Variants in DSP observed in about 807,000 individuals in gnomAD.
DSP encodes the protein desmoplakin.
In DSP, 114 loss-of-function variants were observed where a neutral mutation model predicts 290.6. That is an observed-to-expected ratio of 0.39 (90% confidence interval 0.34 to 0.46). The LOEUF (loss-of-function observed/expected upper bound fraction) is 0.46, where lower values mean the gene tolerates loss of function less well. DSP is among the 20% of genes least tolerant of loss of function. The probability of loss-of-function intolerance (pLI) is 0.99; values close to 1 mark genes in which losing one functional copy is unlikely to be tolerated. For synonymous variants in DSP, 1,311 were observed against 1,316.4 expected (o/e 1.00, Z 0.09); for missense variants, 3,230 against 3,495.8 (o/e 0.92, Z 1.92).
chr6:7,575,523 C>T (rs200226597), intron 18 of DSP, 35 bp downstream of exon 18: 135 of 1,612,736 alleles, frequency 8.4e-5, no homozygotes, highest in Non-Finnish European at 9.3e-5. Flanking sequence ...TCCCCATCTT[C>T]TCCCCTTTTG....
In DSP at chr6:7,581,516, G is replaced by C. The variant is rs1759441333; in HGVS notation, c.5326G>C (p.Glu1776Gln). Residue 1776 changes from glutamate (E) to glutamine (Q), a missense_variant, in exon 23 of 24, where the codon GAG becomes CAG. Physicochemically the swap from Glu to Gln is conservative, Grantham distance 29. This residue lies in a region of DSP where 1,714 missense variants were observed against 1,844.5 expected (regional missense o/e 0.93). Coordinates refer to ENST00000379802, the MANE Select transcript of DSP (RefSeq NM_004415.4). ...LQGLINDLQR[E>Q]RENLRQEIEK... ...GGGGCTGATTAATGATTTACAGAGA[G>C]AGAGGGAAAATTTGAGACAGGAAAT... 6.2e-7 allele frequency: 1 copy of C among 1,614,156 alleles called. No homozygotes were observed. Among genetic ancestry groups the C allele is most frequent in the Non-Finnish European group, 8.5e-7 (1 of 1,180,028 alleles).
rs748733750 is a variant in DSP at position 7,579,964 on chromosome 6, C to A, written c.3774C>A (p.Asp1258Glu). The A allele has an allele frequency of 1.6e-5, 26 of 1,614,114 alleles. No individual in the cohort carries two copies. Among genetic ancestry groups the A allele is most frequent in the Non-Finnish European group, 2.2e-5 (26 of 1,180,016 alleles). Residue 1258 changes from aspartate to glutamate, a missense_variant, in exon 23 of 24, where the codon GAC becomes GAA. By Grantham distance (45) the Asp-to-Glu change is conservative. Around this residue, in one of 5 missense-constraint regions of DSP, gnomAD observed 1,714 missense variants for 1,844.5 expected, o/e 0.93. Transcript: ENST00000379802. This position sits in a 1 kb window ranked among gnomAD's most constrained non-coding sequence, Gnocchi z 4.1. ...AGGATGAAATTGTCAGGCTCAATGA[C>A]AGCATCTTGCAGGCCACTGAGCAGC... ...DLKDEIVRLNDSILQATEQRR... is the reference protein window; with the variant it reads ...DLKDEIVRLNESILQATEQRR...
At chr6:7,566,271 C>A in intron 7 of DSP, 106 bp from the exon 8 acceptor site, 1 of 901,302 alleles carries the variant, frequency 1.1e-6, no homozygotes, top group Non-Finnish European at 1.8e-6. Context: ...TGGCATTGTT[C>A]ATTTCCAAAA....
chr6:7,583,869 G>A lies in DSP; in HGVS notation c.6607G>A (p.Val2203Ile). The change falls in exon 24 of 24, where the codon GTA becomes ATA. Residue 2203 changes from valine to isoleucine, a missense_variant. Val to Ile is a conservative substitution (Grantham distance 29, BLOSUM62 3). Around this residue, in one of 5 missense-constraint regions of DSP, gnomAD observed 1,714 missense variants for 1,844.5 expected, o/e 0.93. Coordinates refer to ENST00000379802, the MANE Select transcript of DSP (RefSeq NM_004415.4). This position sits in a 1 kb window ranked among gnomAD's most constrained non-coding sequence, Gnocchi z 4.0. ...EPHTGLLLLSVQKRSMSFQGI... is the reference protein window; with the variant it reads ...EPHTGLLLLSIQKRSMSFQGI... Reference sequence around the variant, plus strand: ...ACATACTGGTCTGCTCTTGCTTTCAGTACAGAAGAGAAGCATGTCCTTCCA... The same window carrying A: ...ACATACTGGTCTGCTCTTGCTTTCAATACAGAAGAGAAGCATGTCCTTCCA... 6.2e-7 allele frequency: 1 copy of A among 1,614,118 alleles called. No homozygotes were observed. The highest frequency in any genetic ancestry group is 8.5e-7 in the Non-Finnish European group (1 of 1,180,010).
Position 7,558,177 on chromosome 6 carries a change from C to T in DSP, c.335C>T (p.Ala112Val), listed in dbSNP as rs1231122530. 6.2e-7 allele frequency: 1 copy of T among 1,614,200 alleles called. No individual in the cohort carries two copies. Among genetic ancestry groups the T allele is most frequent in the South Asian group, 1.1e-5 (1 of 91,086 alleles). ...TRSRELDECF[A>V]QANDQMEILD... ...AGTCGAGAATTGGATGAGTGTTTTGCCCAGGCCAATGACCAAATGGAAATC... is the reference window on the plus strand; with the variant it reads ...AGTCGAGAATTGGATGAGTGTTTTGTCCAGGCCAATGACCAAATGGAAATC... Residue 112 changes from alanine (A) to valine (V), a missense_variant, in exon 3 of 24, where the codon GCC (alanine) becomes GTC (valine). Ala to Val is a moderately conservative substitution (Grantham distance 64). Transcript: ENST00000379802.
At chr6:7,559,451 A>G in intron 4 of DSP, 51 bp downstream of exon 4, 1 of 1,608,706 alleles carries the variant, frequency 6.2e-7, no homozygotes, top group Non-Finnish European at 8.5e-7. Context: ...ACGTTCCAGC[A>G]CGATGGGGTC....
rs371234425 is a variant in DSP at position 7,578,483 on chromosome 6, G to C, written c.3005G>C (p.Arg1002Pro). 3.7e-6 allele frequency: 6 copies of C among 1,613,076 alleles called. No individual in the cohort carries two copies. The African/African-American group carries it at 6.7e-5, about 18-fold the overall frequency. ...TCCAAGGCTGCAGATGTTCATGCTC[G>C]GTACATTGAACTACTTACAAGATCT... Reference protein sequence around the residue: ...ILQEAADVHARYIELLTRSGD... With the variant: ...ILQEAADVHAPYIELLTRSGD... Residue 1002 changes from arginine to proline, a missense_variant, in exon 22 of 24, where the codon CGG becomes CCG. Transcript: ENST00000379802.
chr6:7,554,050 T>G lies in DSP; in HGVS notation c.171-1668T>G, dbSNP rs150861299. Among the ~76,000 whole-genome samples, 166 of 146,722 alleles carry G rather than the reference T, an allele frequency of 1.1e-3. 1 individual carries two copies. The highest frequency in any genetic ancestry group is 4.2e-3 in the African/African-American group (165 of 39,294). ...TAATGCAACCATTGTTTGTCAAACA[T>G]TTTTTTTTAAACAGTGAAATTCTTT... On this transcript the variant is annotated intron_variant, in intron 1 of 23. Transcript: ENST00000379802.
In DSP at chr6:7,576,422, C is replaced by G. The variant is rs1481929065; in HGVS notation, c.2759C>G (p.Ser920Cys). Residue 920 changes from serine (S) to cysteine (C), a missense_variant, in exon 19 of 24, where the codon TCC (serine) becomes TGC (cysteine). Physicochemically the swap from Ser to Cys is moderately radical, Grantham distance 112 (BLOSUM62 -1). This residue lies in a region of DSP where 1,714 missense variants were observed against 1,844.5 expected (regional missense o/e 0.93). Transcript: ENST00000379802. ...DSLESMKFGD[S>C]NTVMRFLNEQ... Reference sequence around the variant, plus strand: ...TTAGAATCCATGAAATTTGGAGATTCCAACACAGTCATGCGGTTTTTGAAT... The same window carrying G: ...TTAGAATCCATGAAATTTGGAGATTGCAACACAGTCATGCGGTTTTTGAAT... 6.2e-7 allele frequency: 1 copy of G among 1,614,112 alleles called. No individual in the cohort carries two copies. The highest frequency in any genetic ancestry group is 1.1e-5 in the South Asian group (1 of 91,084).
At chr6:7,572,832 T>C (rs1006701354) in intron 15 of DSP, among the ~76,000 whole-genome samples, 3 of 152,230 alleles carry the variant, frequency 2.0e-5, no homozygotes, top group Non-Finnish European at 4.4e-5. Context: ...ACCTAGATGG[T>C]ATAGCCTACT....
At chr6:7,574,861 A>G in intron 17 of DSP, 66 bp downstream of exon 17, 1 of 1,609,316 alleles carries the variant, frequency 6.2e-7, no homozygotes, top group Non-Finnish European at 8.5e-7. Context: ...GCTCCCAATT[A>G]TAAAGCCTCA....
chr6:7,548,210 C>T (rs758427094), intron 1 of DSP, among the ~76,000 whole-genome samples: 15 of 151,672 alleles, frequency 9.9e-5, no homozygotes, highest in East Asian at 1.9e-4. Flanking sequence ...GAGGTTGCAG[C>T]GAGCTGAGAT....
chr6:7,582,097 C>G lies in DSP; in HGVS notation c.5379+528C>G, dbSNP rs1488998418. On this transcript the variant is annotated intron_variant, in intron 23 of 23. Coordinates refer to ENST00000379802, the MANE Select transcript of DSP (RefSeq NM_004415.4). This position sits in a 1 kb window ranked among gnomAD's most constrained non-coding sequence, Gnocchi z 4.2. ...CTCCTAACCCTTAATTTAAAAATAA[C>G]TTATTTAACTTCTACAGACAATATT... is the stretch of plus-strand genomic sequence containing the variant. Among the ~76,000 whole-genome samples, 24 of 150,310 alleles carry G rather than the reference C, an allele frequency of 1.6e-4. No individual in the cohort carries two copies. Among genetic ancestry groups the G allele is most frequent in the Non-Finnish European group, 1.5e-5 (1 of 67,722 alleles).
At chr6:7,566,538 A>G in intron 8 of DSP, 57 bp downstream of exon 8, 2 of 1,375,784 alleles carry the variant, frequency 1.5e-6, no homozygotes, top group Non-Finnish European at 2.0e-6. Context: ...TCATAAAGTA[A>G]GACTAACCAA....
chr6:7,546,790 A>G (rs1758184094), intron 1 of DSP, among the ~76,000 whole-genome samples: 1 of 152,254 alleles, frequency 6.6e-6, no homozygotes, highest in Admixed American at 6.5e-5. Flanking sequence ...TGCTTAGGAA[A>G]AAAGAAACTC....
chr6:7,544,652 T>C (rs951221889), intron 1 of DSP, among the ~76,000 whole-genome samples: 3 of 152,212 alleles, frequency 2.0e-5, no homozygotes, highest in Non-Finnish European at 4.4e-5. Flanking sequence ...GAAATTTGAA[T>C]GTGTGGAGGG....
rs1341948644 is a variant in DSP at position 7,584,826 on chromosome 6, A to G, written c.7564A>G (p.Arg2522Gly). The change falls in exon 24 of 24, where the codon AGA becomes GGA. Residue 2522 changes from arginine (R) to glycine (G), a missense_variant. Transcript: ENST00000379802. The surrounding 1 kb of genome is among the most constrained non-coding windows in gnomAD (Gnocchi z 6.4). Reference protein sequence around the residue: ...DGSTRVVLVDRKTGSQYDIQD... With the variant: ...DGSTRVVLVDGKTGSQYDIQD... The stretch of plus-strand genomic sequence containing the variant: ...CTCCACCAGGGTGGTCCTGGTAGAT[A>G]GAAAGACAGGCAGTCAGTATGATAT... The G allele has an allele frequency of 1.2e-6, 2 of 1,614,224 alleles. No individual in the cohort carries two copies. Among genetic ancestry groups the G allele is most frequent in the African/African-American group, 1.3e-5 (1 of 75,068 alleles).
In DSP at chr6:7,573,350, G is replaced by A. The variant is rs146873144; in HGVS notation, c.2131-736G>A. On this transcript the variant is annotated intron_variant, in intron 15 of 23. Coordinates refer to ENST00000379802, the MANE Select transcript of DSP (RefSeq NM_004415.4). ...TCCCAGCACTTTGGGAGGCCGAGGC[G>A]GGTGGATCACAAGGTCAGGAGTTCA... Among the ~76,000 whole-genome samples the A allele has an allele frequency of 3.6e-3, 545 of 152,226 alleles. 1 individual carries two copies. The highest frequency in any genetic ancestry group is 4.8e-3 in the Non-Finnish European group (329 of 68,004).
chr6:7,571,210 T>G (rs1759039431), intron 13 of DSP, among the ~76,000 whole-genome samples, 173 bp from the exon 14 acceptor site: 1 of 151,934 alleles, frequency 6.6e-6, no homozygotes, highest in Non-Finnish European at 1.5e-5. Flanking sequence ...AACCCATTCC[T>G]GTGGCTCTTG....
Sources: allele counts gnomAD v4.1 joint callset (sites outside exome capture counted in the v4.1 genomes callset), GRCh38; gene constraint gnomAD v4.1.1; regional missense constraint gnomAD v4.1.1; non-coding constraint Gnocchi (gnomAD v3.1); transcripts MANE v1.5; gene names NCBI Gene and HGNC (gene_info 2026-07-23, HGNC 2026-07-21).